The following SCAI variants were observed in gnomAD, a reference collection of about 807,000 sequenced individuals.
SCAI encodes suppressor of cancer cell invasion.
Under a neutral mutation model 92.2 loss-of-function variants are expected in SCAI, and 24 were observed. The ratio of observed to expected loss-of-function variants is 0.26; its 90% CI spans 0.19 to 0.37. The LOEUF is 0.37. Among genes scored for constraint, SCAI ranks in the 10% least tolerant of loss-of-function variants. The pLI is 1.00. For missense variants in SCAI, 450 were observed against 736.2 expected (o/e 0.61, Z 4.50); for synonymous variants, 261 against 258.6 (o/e 1.01, Z -0.09).
chr9:125,072,086 C>A (rs1183691347), intron 2 of SCAI, among the ~76,000 whole-genome samples: 1 of 150,686 alleles, frequency 6.6e-6, no homozygotes, highest in Non-Finnish European at 1.5e-5. Context: ...TGCAGTGGTG[C>A]AATCTCGGCT....
chr9:125,037,069 G>A (rs772633180), intron 3 of SCAI, among the ~76,000 whole-genome samples: 91 of 152,150 alleles, frequency 6.0e-4, no homozygotes, highest in Non-Finnish European at 2.1e-4. Context: ...AGGAGTTCGA[G>A]ACCATCCTGG....
In SCAI at chr9:125,000,670, A is replaced by G. The variant is rs568000783; in HGVS notation, c.1145-680T>C. ...TTTTAAAGAATGAAATCTTAGTCTC[A>G]TAAGTAAATACAATTTTAAATGAGC... On this transcript the variant is annotated intron_variant, in intron 12 of 17. Transcript: ENST00000336505. 6.6e-5 allele frequency among the ~76,000 whole-genome samples: 10 copies of G among 152,102 alleles called. No homozygotes were observed. In the East Asian group the frequency reaches 1.7e-3, roughly 26 times the overall value.
chr9:125,131,260 TAGCC>T (rs1169377061), intron 2 of SCAI, among the ~76,000 whole-genome samples: 1 of 151,490 alleles, frequency 6.6e-6, no homozygotes, highest in Non-Finnish European at 1.5e-5. Flanking sequence ...CAAAAAAAAT[TAGCC>T]AGGCATGATG....
At chr9:125,073,610 T>C (rs1834026348) in intron 2 of SCAI, among the ~76,000 whole-genome samples, 2 of 152,228 alleles carry the variant, frequency 1.3e-5, no homozygotes, top group South Asian at 2.1e-4. Context: ...CAAGTGATGC[T>C]GAGCATCTTT....
At chr9:124,999,582 ATTAT>A (rs1245337487) in intron 13 of SCAI, among the ~76,000 whole-genome samples, 1 of 152,158 alleles carries the variant, frequency 6.6e-6, no homozygotes, top group Admixed American at 6.6e-5. Context: ...GTCCTGACAT[ATTAT>A]TTATTTATGT....
At chr9:125,018,188 A>G (rs1003418837) in intron 9 of SCAI, among the ~76,000 whole-genome samples, 1 of 151,934 alleles carries the variant, frequency 6.6e-6, no homozygotes, top group African/African-American at 2.4e-5. Context: ...TCCGCCTCCC[A>G]GGTTCAAGTG....
At chr9:125,066,479 G>T (rs981331828) in intron 2 of SCAI, among the ~76,000 whole-genome samples, 1 of 146,558 alleles carries the variant, frequency 6.8e-6, no homozygotes, top group African/African-American at 2.6e-5. Flanking sequence ...TTTTTGAGAC[G>T]GAGTCTCGCT....
intron 3 of SCAI, among the ~76,000 whole-genome samples, chr9:125,039,749 T>C (rs567601033): frequency 6.6e-6 from 1 of 152,296 alleles, no homozygotes; most frequent in South Asian, 2.1e-4. Flanking sequence ...AGACTTGCAA[T>C]AGAGAAGACA....
rs1420865827 is a variant in SCAI, at chr9:125,073,318, A to ATGGT, written c.99-17315_99-17312dup. Among the ~76,000 whole-genome samples, 153 of 150,806 alleles carry ATGGT rather than the reference A, an allele frequency of 1.0e-3. 1 individual carries two copies. The highest frequency in any genetic ancestry group is 3.6e-3 in the African/African-American group (146 of 41,118). ...ACGGGGTTTCACCGTGTTAGCCAGG[A>ATGGT]TGGTCTCGATCTCCTGACCTCGTGA... is the stretch of plus-strand genomic sequence containing the variant. On this transcript the variant is annotated intron_variant, in intron 2 of 17. Coordinates refer to ENST00000336505, the MANE Select transcript of SCAI (RefSeq NM_001144877.3).
intron 14 of SCAI, among the ~76,000 whole-genome samples, chr9:124,992,444 C>T (rs1284077530): frequency 9.3e-5 from 14 of 151,196 alleles, no homozygotes; most frequent in African/African-American, 4.9e-5. Flanking sequence ...AGTGCAATGG[C>T]ACGATCTTGG....
chr9:124,968,249 G>A, intron 17 of SCAI: 2 of 1,078,366 alleles, frequency 1.9e-6, no homozygotes, highest in Non-Finnish European at 2.8e-6. Flanking sequence ...TGAAGCTGGG[G>A]TCTTGGCCTG....
chr9:125,087,030 C>T (rs1834337336), intron 2 of SCAI, among the ~76,000 whole-genome samples: 2 of 152,088 alleles, frequency 1.3e-5, no homozygotes, highest in Admixed American at 6.5e-5. Flanking sequence ...CACTATTAGA[C>T]TTTGGAAAAC....
chr9:125,017,979 C>T (rs2131069249), intron 9 of SCAI, among the ~76,000 whole-genome samples: 1 of 151,830 alleles, frequency 6.6e-6, no homozygotes. Flanking sequence ...ACTGCACTCC[C>T]ACCTGAGTGA....
intron 2 of SCAI, among the ~76,000 whole-genome samples, chr9:125,130,616 C>A (rs768451552): frequency 1.3e-5 from 2 of 151,742 alleles, no homozygotes; most frequent in African/African-American, 2.4e-5. Flanking sequence ...CGGGTTGGAG[C>A]GATTCCCCTG....
chr9:125,000,247 C>G (rs1832328154), intron 12 of SCAI, among the ~76,000 whole-genome samples: 1 of 152,098 alleles, frequency 6.6e-6, no homozygotes, highest in Non-Finnish European at 1.5e-5. Context: ...CAAAACAAGA[C>G]TCTATGGCAT....
At chr9:124,989,752 G>A (rs1374961554) in intron 14 of SCAI, among the ~76,000 whole-genome samples, 1 of 150,932 alleles carries the variant, frequency 6.6e-6, no homozygotes, top group Non-Finnish European at 1.5e-5. Context: ...GTATGGTGGC[G>A]CGTGCCTGTA....
rs181039138 is a variant in SCAI, at chr9:124,955,069, G to A, written c.1675-2116C>T. On this transcript the variant is annotated intron_variant, in intron 17 of 17. Transcript: ENST00000336505. ...GTAGTACCCAGCTACTTGAGAGGGT[G>A]AGGCAGGAGAATTGCTTGAGCCCAA... is the stretch of plus-strand genomic sequence containing the variant. Among the ~76,000 whole-genome samples the A allele has an allele frequency of 1.3e-3, 204 of 151,982 alleles. 3 individuals are homozygous for A. Among genetic ancestry groups the A allele is most frequent in the African/African-American group, 4.5e-3 (188 of 41,452 alleles).
At chr9:124,960,566 T>G (rs1831417216) in intron 17 of SCAI, among the ~76,000 whole-genome samples, 1 of 152,120 alleles carries the variant, frequency 6.6e-6, no homozygotes, top group Admixed American at 6.5e-5. Context: ...TCACAGAAGG[T>G]TTACACAAGA....
chr9:125,129,646 T>C (rs560051174), intron 2 of SCAI, among the ~76,000 whole-genome samples: 13 of 151,244 alleles, frequency 8.6e-5, no homozygotes, highest in African/African-American at 2.4e-4. Context: ...GTATTTTCAA[T>C]AGAGATGGGG....
Sources: allele counts gnomAD v4.1 joint callset (sites outside exome capture counted in the v4.1 genomes callset), GRCh38; gene constraint gnomAD v4.1.1; transcripts MANE v1.5; gene names NCBI Gene and HGNC (gene_info 2026-07-23, HGNC 2026-07-21).